ZNF292: variants seen among roughly 807,000 people sequenced by gnomAD.
ZNF292 encodes the protein 16 zinc-finger domain protein.
In ZNF292, 26 loss-of-function variants were observed where a neutral mutation model predicts 217.9. The observed-to-expected ratio is 0.12, with a 90% confidence interval of 0.09 to 0.17. The LOEUF is 0.17. Among genes scored for constraint, ZNF292 ranks in the 10% least tolerant of loss-of-function variants. The pLI, the probability that ZNF292 is intolerant of heterozygous loss-of-function variation, is 1.00. For synonymous variants in ZNF292, 1,257 were observed against 1,124.1 expected, an observed-to-expected ratio of 1.12 and a Z score of -2.37; for missense variants, 2,904 against 3,175.2, an observed-to-expected ratio of 0.91 and a Z score of 2.05.
At chr6:87,157,838 G>C (rs1388203848) in intron 1 of ZNF292, among the ~76,000 whole-genome samples, 1 of 152,094 alleles carries the variant, frequency 6.6e-6, no homozygotes, top group Non-Finnish European at 1.5e-5. Context: ...ACAGGCGTGC[G>C]CCACCAAGCC....
intron 5 of ZNF292, among the ~76,000 whole-genome samples, chr6:87,237,557 A>G (rs1478894064): frequency 6.6e-6 from 1 of 152,210 alleles, no homozygotes; most frequent in Non-Finnish European, 1.5e-5. Context: ...TGTTTTTGAA[A>G]TGTGATTACA....
Position 87,262,444 on chromosome 6 carries a change from C to G in ZNF292, c.*643C>G, listed in dbSNP as rs977702869. Reference sequence around the variant, plus strand: ...TTGCTCTGCTTTGTAAATTTGCCATCCAGGATTTTGGGGTGGTATTCATGT... The same window carrying G: ...TTGCTCTGCTTTGTAAATTTGCCATGCAGGATTTTGGGGTGGTATTCATGT... On this transcript the variant is annotated 3_prime_UTR_variant, in exon 8 of 8. Transcript: ENST00000369577. 6.6e-6 allele frequency: 1 copy of G among 151,786 alleles called. No individual in the cohort carries two copies. The highest frequency in any genetic ancestry group is 1.5e-5 in the Non-Finnish European group (1 of 67,858). The allele number at this position is 151,786 out of a possible 1,614,324, so 9.4% of individuals were successfully genotyped here. A position where few individuals can be genotyped will look rare whatever the true frequency, so the allele number is the denominator to read the frequency against.
chr6:87,232,405 G>T (rs1022832154), intron 4 of ZNF292, among the ~76,000 whole-genome samples: 3 of 152,062 alleles, frequency 2.0e-5, no homozygotes, highest in African/African-American at 7.2e-5. Context: ...AGAAGATACT[G>T]TGTTTTATTC....
chr6:87,212,951 A>C (rs1239020491), intron 1 of ZNF292, among the ~76,000 whole-genome samples: 2 of 152,214 alleles, frequency 1.3e-5, no homozygotes. Flanking sequence ...TCTTCTGTGT[A>C]GGGGTCAAAA....
rs1194704072 is a variant in ZNF292 at position 87,260,144 on chromosome 6, T to A, written c.6515T>A (p.Phe2172Tyr). The change falls in exon 8 of 8, where the codon TTT becomes TAT. Residue 2172 changes from phenylalanine (F) to tyrosine (Y), a missense_variant. Coordinates refer to ENST00000369577, the MANE Select transcript of ZNF292 (RefSeq NM_015021.3). ...GAAACTAAACAAACTTTGAAAGAAT[T>A]TCGATGTCAGGTAAGTGACTGTTCT... is the stretch of plus-strand genomic sequence containing the variant. ...ETETKQTLKE[F>Y]RCQVSDCSRI... The A allele has an allele frequency of 5.0e-6, 8 of 1,613,196 alleles. No individual in the cohort carries two copies. Among genetic ancestry groups the A allele is most frequent in the Non-Finnish European group, 6.8e-6 (8 of 1,179,464 alleles).
chr6:87,262,039 A>C lies in ZNF292; in HGVS notation c.*238A>C, dbSNP rs895864619. The C allele has an allele frequency of 6.9e-6, 2 of 291,316 alleles. No homozygotes were observed. The highest frequency in any genetic ancestry group is 4.3e-5 in the African/African-American group (2 of 46,008). The allele number at this position is 291,316 out of a possible 1,614,324, so 18.0% of individuals were successfully genotyped here. A position where few individuals can be genotyped will look rare whatever the true frequency, so the allele number is the denominator to read the frequency against. ...TATTGTAAATAGTGAGCTAAACCTC[A>C]AATTTCTATCACCCAGTTGCCCTTT... is the stretch of plus-strand genomic sequence containing the variant. On this transcript the variant is annotated 3_prime_UTR_variant, in exon 8 of 8. Transcript: ENST00000369577.
chr6:87,174,148 G>A (rs984539204), intron 1 of ZNF292: 1 of 156,012 alleles, frequency 6.4e-6, no homozygotes, highest in African/African-American at 2.4e-5. Flanking sequence ...TTCCTGTTAA[G>A]GTAGCAGAGT....
chr6:87,224,955 T>G (rs1773267608), intron 4 of ZNF292, among the ~76,000 whole-genome samples: 2 of 152,204 alleles, frequency 1.3e-5, no homozygotes, highest in Non-Finnish European at 2.9e-5. Flanking sequence ...TCTTCTAAAG[T>G]GCCTGTACCA....
At chr6:87,239,800 C>G (rs979799113) in intron 5 of ZNF292, among the ~76,000 whole-genome samples, 2 of 150,162 alleles carry the variant, frequency 1.3e-5, no homozygotes, top group Admixed American at 6.6e-5. Flanking sequence ...AATGGGCAGC[C>G]GAGCAGAGAC....
At chr6:87,200,460 C>T (rs577340742) in intron 1 of ZNF292, among the ~76,000 whole-genome samples, 1 of 151,178 alleles carries the variant, frequency 6.6e-6, no homozygotes, top group East Asian at 2.0e-4. Context: ...ATGTACTAGA[C>T]ATTTAAAAAA....
In ZNF292 at chr6:87,208,687, A is replaced by G. The variant is rs143794529; in HGVS notation, c.169-7216A>G. 5.0e-3 allele frequency among the ~76,000 whole-genome samples: 757 copies of G among 152,220 alleles called. 5 individuals carry two copies. Among genetic ancestry groups the G allele is most frequent in the Non-Finnish European group, 6.8e-3 (463 of 68,014 alleles). ...CTTTAAATACCATATTTAAGGGTAT[A>G]CTGCTAAAAAGGTGATTGAGAGCTC... On this transcript the variant is annotated intron_variant, in intron 1 of 7. Coordinates refer to ENST00000369577, the MANE Select transcript of ZNF292 (RefSeq NM_015021.3).
intron 4 of ZNF292, chr6:87,223,105 G>A: frequency 5.0e-6 from 1 of 198,370 alleles, no homozygotes; most frequent in Non-Finnish European, 1.1e-5. Flanking sequence ...TTGAGAAAGG[G>A]TCTCTCACTC....
intron 7 of ZNF292, among the ~76,000 whole-genome samples, chr6:87,253,765 T>C (rs1048562150): frequency 3.3e-5 from 5 of 152,228 alleles, no homozygotes; most frequent in Non-Finnish European, 5.9e-5. Flanking sequence ...TCTCTACTTA[T>C]TTTCTTTGTT....
rs922121615 is a variant in ZNF292 at position 87,261,746 on chromosome 6, T to C, written c.8117T>C (p.Met2706Thr). The stretch of plus-strand genomic sequence containing the variant: ...GAAGTACATTCAAATGATCCAGATA[T>C]GTCTGTTATGAAAGATATCAGTATA... ...KLEVHSNDPD[M>T]SVMKDISIGK... Residue 2706 changes from methionine to threonine, a missense_variant, in exon 8 of 8, where the codon ATG (methionine) becomes ACG (threonine). This residue lies in a region of ZNF292 where 380 missense variants were observed against 355.3 expected (regional missense o/e 1.07). Transcript: ENST00000369577. The C allele has an allele frequency of 1.7e-5, 27 of 1,612,952 alleles. No homozygotes were observed. The highest frequency in any genetic ancestry group is 1.6e-4 in the East Asian group (7 of 44,848).
chr6:87,176,293 A>C (rs1346465125), intron 1 of ZNF292, among the ~76,000 whole-genome samples: 1 of 152,206 alleles, frequency 6.6e-6, no homozygotes, highest in Non-Finnish European at 1.5e-5. Flanking sequence ...AAGAATAGAC[A>C]GTGGTGGGGA....
rs2127803089 is a variant in ZNF292, at chr6:87,216,379, T to G, written c.402+2T>G. ...GAACAATTTCAGACACTGGTGCAGG[T>G]GAGAATCTTTATCTTTAGATTTAAT... On this transcript the variant is annotated splice_donor_variant, in intron 3 of 7. Coordinates refer to ENST00000369577, the MANE Select transcript of ZNF292 (RefSeq NM_015021.3). LOFTEE classifies it high-confidence loss of function. 6.4e-7 allele frequency: 1 copy of G among 1,568,508 alleles called. No individual in the cohort carries two copies. Among genetic ancestry groups the G allele is most frequent in the South Asian group, 1.2e-5 (1 of 85,502 alleles).
chr6:87,262,613 T>A lies in ZNF292; in HGVS notation c.*812T>A, dbSNP rs1216976908. On this transcript the variant is annotated 3_prime_UTR_variant, in exon 8 of 8. Coordinates refer to ENST00000369577, the MANE Select transcript of ZNF292 (RefSeq NM_015021.3). ...TTACTACATTGAAGATTTTAAACAT[T>A]TGGTATTAAAAAAAAATCCTTTGTG... 4 of 151,960 alleles carry A rather than the reference T, an allele frequency of 2.6e-5. No individual in the cohort carries two copies. The highest frequency in any genetic ancestry group is 4.1e-4 in the South Asian group (2 of 4,828). The allele number at this position is 151,960 out of a possible 1,614,324, so 9.4% of individuals were successfully genotyped here. A position where few individuals can be genotyped will look rare whatever the true frequency, so the allele number is the denominator to read the frequency against.
chr6:87,221,171 T>G (rs1773067184), intron 4 of ZNF292, among the ~76,000 whole-genome samples: 1 of 152,160 alleles, frequency 6.6e-6, no homozygotes. Context: ...AGAGTAAGGG[T>G]GGACAGGACT....
intron 4 of ZNF292, among the ~76,000 whole-genome samples, chr6:87,228,136 C>T (rs1773456170): frequency 6.6e-6 from 1 of 152,114 alleles, no homozygotes. Context: ...AGTCATCCTA[C>T]TGGGTGTGAG....
Sources: gnomAD v4.1 joint callset for allele counts (sites outside exome capture counted in the v4.1 genomes callset) on GRCh38, gnomAD v4.1.1 for gene constraint, gnomAD v4.1.1 regional missense constraint, MANE v1.5 for transcripts, NCBI Gene and HGNC (gene_info 2026-07-23, HGNC 2026-07-21) for gene names.